The following SNX13 variants were observed in gnomAD, a reference collection of about 807,000 sequenced individuals.
SNX13 encodes sorting nexin 13, also known as sorting nexin-13.
In SNX13, 45 loss-of-function variants were observed where a neutral mutation model predicts 133.6. The observed-to-expected ratio is 0.34, with a 90% CI of 0.27 to 0.43. SNX13 has a LOEUF of 0.43. Among genes scored for constraint, SNX13 ranks in the 20% least tolerant of loss-of-function variants. SNX13 has a pLI of 1.00. For synonymous variants in SNX13, 414 were observed against 373.9 expected (o/e 1.11, Z -1.24); for missense variants, 1,032 against 1,145.1 (o/e 0.90, Z 1.43).
chr7:17,806,660 G>C (rs1785333400), intron 20 of SNX13, among the ~76,000 whole-genome samples: 2 of 152,072 alleles, frequency 1.3e-5, no homozygotes, highest in Non-Finnish European at 1.5e-5. Context: ...AAAGTGAGTG[G>C]CTGGCAAGAC....
chr7:17,934,827 A>G (rs2128052372), intron 1 of SNX13, among the ~76,000 whole-genome samples: 1 of 152,322 alleles, frequency 6.6e-6, no homozygotes, highest in South Asian at 2.1e-4. Flanking sequence ...TAAAACCACA[A>G]TGAGATATCA....
At chr7:17,861,170 C>T (rs556232893) in intron 9 of SNX13, among the ~76,000 whole-genome samples, 1 of 152,050 alleles carries the variant, frequency 6.6e-6, no homozygotes, top group East Asian at 1.9e-4. Context: ...TATGCACCAC[C>T]ATGCACAGAT....
intron 20 of SNX13, among the ~76,000 whole-genome samples, chr7:17,806,168 T>C (rs1451219842): frequency 6.6e-6 from 1 of 151,724 alleles, no homozygotes; most frequent in Non-Finnish European, 1.5e-5. Flanking sequence ...ACAATGGTAT[T>C]TTAACTTAAA....
chr7:17,845,757 C>A, intron 11 of SNX13, 63 bp from the exon 12 acceptor site: 8 of 1,150,966 alleles, frequency 7.0e-6, no homozygotes, highest in Non-Finnish European at 8.6e-6. Context: ...AAGATGTGTA[C>A]ATAAATATAA....
intron 1 of SNX13, among the ~76,000 whole-genome samples, chr7:17,939,142 A>T (rs920139579): frequency 3.9e-5 from 6 of 152,194 alleles, no homozygotes; most frequent in African/African-American, 1.4e-4. Context: ...CGTTCCAAGG[A>T]CCTGAAATTT....
At chr7:17,926,508 A>C (rs972496208) in intron 1 of SNX13, among the ~76,000 whole-genome samples, 1 of 152,220 alleles carries the variant, frequency 6.6e-6, no homozygotes, top group Non-Finnish European at 1.5e-5. Context: ...AAGTATACAT[A>C]TACTTGTAAA....
At chr7:17,850,176 C>T (rs1406548299) in intron 11 of SNX13, among the ~76,000 whole-genome samples, 171 bp downstream of exon 11, 1 of 152,158 alleles carries the variant, frequency 6.6e-6, no homozygotes, top group Non-Finnish European at 1.5e-5. Context: ...ACCTTTTTGG[C>T]ATGTTTTAAC....
chr7:17,939,617 A>G lies in SNX13; in HGVS notation c.12+667T>C, dbSNP rs60359119. On this transcript the variant is annotated intron_variant, in intron 1 of 25. Coordinates refer to ENST00000428135, the MANE Select transcript of SNX13 (RefSeq NM_015132.5). ...CCTACTTCCATTTCAGGTCCAAAGA[A>G]AAAAACTATTCCATAGGGAGTAACA... Among the ~76,000 whole-genome samples, 42 of 152,324 alleles carry G rather than the reference A, an allele frequency of 2.8e-4. No homozygotes were observed. The Middle Eastern group carries it at 0.017, about 62-fold the overall frequency.
chr7:17,903,374 T>C (rs929350567), intron 1 of SNX13, among the ~76,000 whole-genome samples: 2 of 152,166 alleles, frequency 1.3e-5, no homozygotes, highest in African/African-American at 4.8e-5. Context: ...TTAATCACAA[T>C]TTTAAAATCT....
intron 1 of SNX13, among the ~76,000 whole-genome samples, chr7:17,938,520 T>G (rs957112805): frequency 1.3e-5 from 2 of 152,236 alleles, no homozygotes; most frequent in Non-Finnish European, 2.9e-5. Flanking sequence ...ATGGGCTAGG[T>G]GGCAACTGCC....
intron 18 of SNX13, among the ~76,000 whole-genome samples, chr7:17,818,634 A>G (rs1583352306): frequency 6.6e-6 from 1 of 152,214 alleles, no homozygotes; most frequent in East Asian, 1.9e-4. Flanking sequence ...TTTTAAAGGC[A>G]TTTAAAAGAA....
intron 1 of SNX13, among the ~76,000 whole-genome samples, chr7:17,901,541 C>A (rs896644720): frequency 6.6e-6 from 1 of 152,152 alleles, no homozygotes; most frequent in Non-Finnish European, 1.5e-5. Flanking sequence ...CATCCATAGG[C>A]TCTGGCTGGG....
intron 5 of SNX13, chr7:17,889,318 C>G (rs1305891725): frequency 6.6e-6 from 1 of 152,126 alleles, no homozygotes; most frequent in Non-Finnish European, 1.5e-5. Context: ...AATCATAAAA[C>G]TTGTGCCAGG....
chr7:17,872,095 A>C (rs1794186734), intron 8 of SNX13, among the ~76,000 whole-genome samples: 1 of 152,222 alleles, frequency 6.6e-6, no homozygotes, highest in Non-Finnish European at 1.5e-5. Flanking sequence ...GGAGCTCAGA[A>C]GGTAAATCTG....
intron 20 of SNX13, among the ~76,000 whole-genome samples, chr7:17,804,963 A>C (rs1007377433): frequency 6.6e-6 from 1 of 152,186 alleles, no homozygotes; most frequent in African/African-American, 2.4e-5. Flanking sequence ...ATAAAAAGTG[A>C]ATTTCAAGAT....
intron 5 of SNX13, chr7:17,888,811 C>A (rs1226868231): frequency 4.4e-6 from 2 of 457,270 alleles, no homozygotes; most frequent in Admixed American, 2.5e-5. Context: ...CAGAACAGGG[C>A]AGTTATTATT....
At chr7:17,816,362 A>G in intron 18 of SNX13, 73 bp from the exon 19 acceptor site, 2 of 1,471,320 alleles carry the variant, frequency 1.4e-6, no homozygotes, top group East Asian at 2.6e-5. Context: ...ATTTCTCTAC[A>G]TATTAAAAAC....
intron 1 of SNX13, among the ~76,000 whole-genome samples, chr7:17,904,296 T>C (rs1223663919): frequency 2.0e-5 from 3 of 152,186 alleles, no homozygotes; most frequent in Non-Finnish European, 4.4e-5. Context: ...AGAATACCCA[T>C]CAGCACCATG....
At chr7:17,849,141 G>A (rs563785625) in intron 11 of SNX13, among the ~76,000 whole-genome samples, 1 of 152,302 alleles carries the variant, frequency 6.6e-6, no homozygotes, top group African/African-American at 2.4e-5. Context: ...CTACTTGAAT[G>A]TCAAACAGGG....
Sources: gnomAD v4.1 joint callset for allele counts (sites outside exome capture counted in the v4.1 genomes callset) on GRCh38, gnomAD v4.1.1 for gene constraint, MANE v1.5 for transcripts, NCBI Gene and HGNC (gene_info 2026-07-23, HGNC 2026-07-21) for gene names.